Variants in UNC13A observed in about 807,000 individuals in gnomAD.
UNC13A encodes the protein unc-13 homolog A, also known as protein unc-13 homolog A.
UNC13A carries 61 observed loss-of-function variants against 219.7 expected under a neutral mutation model. The ratio of observed to expected loss-of-function variants is 0.28; its 90% CI spans 0.23 to 0.34. The LOEUF (loss-of-function observed/expected upper bound fraction) is 0.34. UNC13A is among the 10% of genes least tolerant of loss of function. UNC13A has a pLI of 1.00. For missense variants in UNC13A, 1,476 were observed against 2,270.3 expected, an observed-to-expected ratio of 0.65 and a Z score of 7.11; for synonymous variants, 920 against 884.6, an observed-to-expected ratio of 1.04 and a Z score of -0.71.
intron 2 of UNC13A, among the ~76,000 whole-genome samples, chr19:17,675,645 AAG>A (rs1417846315): frequency 2.5e-5 from 3 of 120,732 alleles, no homozygotes; most frequent in African/African-American, 4.3e-5. Context: ...AAAAAAAAAA[AAG>A]AAGAAGAAGA....
At chr19:17,684,658 G>A (rs2080076886) in intron 1 of UNC13A, among the ~76,000 whole-genome samples, 1 of 152,246 alleles carries the variant, frequency 6.6e-6, no homozygotes, top group Non-Finnish European at 1.5e-5. Flanking sequence ...ATGTGTTGGT[G>A]CTGGGTGTAT....
At chr19:17,633,003 A>T (rs903758977) in intron 27 of UNC13A, 95 bp from the exon 28 acceptor site, 2 of 1,606,998 alleles carry the variant, frequency 1.2e-6, no homozygotes, top group Admixed American at 1.7e-5. Flanking sequence ...CTGATTTCCA[A>T]CTCAGGCATG....
At chr19:17,634,725 C>T (rs965157877) in intron 26 of UNC13A, among the ~76,000 whole-genome samples, 2 of 152,064 alleles carry the variant, frequency 1.3e-5, no homozygotes, top group Admixed American at 6.6e-5. Flanking sequence ...GACGGAGTCT[C>T]GCTCTGTCAC....
intron 19 of UNC13A, among the ~76,000 whole-genome samples, chr19:17,644,523 GTTTTTTTT>G (rs57314065): frequency 1.0e-5 from 1 of 99,154 alleles, no homozygotes. Flanking sequence ...TTTTTCTTTT[GTTTTTTTT>G]TTTTTTTTTT....
chr19:17,656,070 C>T lies in UNC13A; in HGVS notation c.1096G>A (p.Val366Met), dbSNP rs2079446176. The change falls in exon 10 of 44, where the codon GTG becomes ATG. Residue 366 changes from valine (V) to methionine (M), a missense_variant. By Grantham distance (21) the Val-to-Met change is conservative. Around this residue, in one of 14 missense-constraint regions of UNC13A, gnomAD observed 351 missense variants for 342.6 expected, o/e 1.02. Coordinates refer to ENST00000519716, the MANE Select transcript of UNC13A (RefSeq NM_001080421.3). ...GSYAQREDVA[V>M]AEPKDFKRIS... ...CGTTTGAAGTCTTTGGGCTCAGCCA[C>T]AGCTACGTCTTCACGCTGGGCATAG... 6.4e-7 allele frequency: 1 copy of T among 1,554,628 alleles called. No individual in the cohort carries two copies. Among genetic ancestry groups the T allele is most frequent in the Non-Finnish European group, 8.7e-7 (1 of 1,148,568 alleles).
intron 11 of UNC13A, among the ~76,000 whole-genome samples, chr19:17,653,181 AG>A (rs1191382227): frequency 1.3e-5 from 2 of 151,532 alleles, no homozygotes; most frequent in African/African-American, 2.4e-5. Flanking sequence ...TGAAATATTG[AG>A]GGGGTGTTTG....
At chr19:17,639,795 C>A (rs745654807) in intron 23 of UNC13A, 45 bp downstream of exon 23, 3 of 1,600,352 alleles carry the variant, frequency 1.9e-6, no homozygotes, top group Middle Eastern at 1.8e-4. Context: ...TCCAGGCACA[C>A]ACATGTGCGT....
At position 17,618,488 on chromosome 19, in the gene UNC13A, C is replaced by T. The variant is rs1379459241; in HGVS notation, c.4343G>A (p.Arg1448Gln). ...TGGGGTCAAGCTCTTGGCTTCTTCT[C>T]GTACCATGTGATCCTGGATGGATGG... The part of the protein sequence containing the change: ...QLSKLKDHMV[R>Q]EEAKSLTPKQ... The change falls in exon 40 of 44, where the codon CGA becomes CAA. Residue 1448 changes from arginine (R) to glutamine (Q), a missense_variant. By Grantham distance (43) the Arg-to-Gln change is conservative (BLOSUM62 1). Around this residue, in one of 14 missense-constraint regions of UNC13A, gnomAD observed 75 missense variants for 100.2 expected, o/e 0.75. Coordinates refer to ENST00000519716, the MANE Select transcript of UNC13A (RefSeq NM_001080421.3). The T allele has an allele frequency of 1.3e-6, 2 of 1,591,358 alleles. No homozygotes were observed. Among genetic ancestry groups the T allele is most frequent in the Non-Finnish European group, 1.7e-6 (2 of 1,168,784 alleles).
At chr19:17,669,834 T>G (rs1257024588) in intron 4 of UNC13A, among the ~76,000 whole-genome samples, 158 bp from the exon 5 acceptor site, 8 of 151,160 alleles carry the variant, frequency 5.3e-5, no homozygotes, top group Non-Finnish European at 8.9e-5. Context: ...CTTCCCTTCC[T>G]TCCTTCCCTC....
chr19:17,617,062 C>CT (rs1265480677), intron 41 of UNC13A, among the ~76,000 whole-genome samples: 2 of 152,178 alleles, frequency 1.3e-5, no homozygotes, highest in African/African-American at 4.8e-5. Flanking sequence ...GTCGAGGTCC[C>CT]TCCCGCCCTC....
At chr19:17,655,090 T>C (rs1418034964) in intron 11 of UNC13A, among the ~76,000 whole-genome samples, 184 bp downstream of exon 11, 1 of 152,054 alleles carries the variant, frequency 6.6e-6, no homozygotes, top group African/African-American at 2.4e-5. Flanking sequence ...AGGGAAGGGC[T>C]CGAGTGGCTG....
In UNC13A at chr19:17,636,117, C is replaced by T. The variant is rs754552161; in HGVS notation, c.3122G>A (p.Ser1041Asn). The T allele has an allele frequency of 3.7e-6, 6 of 1,607,000 alleles. No individual in the cohort carries two copies. Among genetic ancestry groups the T allele is most frequent in the Non-Finnish European group, 5.1e-6 (6 of 1,176,534 alleles). Residue 1041 changes from serine (S) to asparagine (N), a missense_variant, in exon 26 of 44, where the codon AGC (serine) becomes AAC (asparagine). By Grantham distance (46) the Ser-to-Asn change is conservative. Around this residue, in one of 14 missense-constraint regions of UNC13A, gnomAD observed 218 missense variants for 409.4 expected, o/e 0.53. Transcript: ENST00000519716. Reference sequence around the variant, plus strand: ...GGACCAGAAGTCGAGGTTCTTGATGCTGGGCCCCTGTTCCTCTGGGAGAAC... The same window carrying T: ...GGACCAGAAGTCGAGGTTCTTGATGTTGGGCCCCTGTTCCTCTGGGAGAAC... ...GEVLPEEQGPSIKNLDFWSKL... is the reference protein window; with the variant it reads ...GEVLPEEQGPNIKNLDFWSKL...
intron 5 of UNC13A, among the ~76,000 whole-genome samples, chr19:17,669,044 C>G (rs35874560): frequency 0.3 from 45,992 of 151,936 alleles, 8,005 homozygotes; most frequent in South Asian, 0.48. Flanking sequence ...GATCCTCCCC[C>G]CTTGGCCTCC....
At chr19:17,621,746 C>T in intron 37 of UNC13A, 86 bp downstream of exon 37, 2 of 1,472,730 alleles carry the variant, frequency 1.4e-6, no homozygotes, top group African/African-American at 1.4e-5. Context: ...GCTGCCCTTC[C>T]TGCCCAGGTG....
At chr19:17,607,934 C>T (rs1482321967) in intron 43 of UNC13A, among the ~76,000 whole-genome samples, 2 of 145,634 alleles carry the variant, frequency 1.4e-5, no homozygotes, top group Non-Finnish European at 3.0e-5. Context: ...GGCTGGAGTG[C>T]CGTGGTACAA....
chr19:17,612,963 G>C (rs1599827305), intron 41 of UNC13A, among the ~76,000 whole-genome samples: 1 of 152,218 alleles, frequency 6.6e-6, no homozygotes, highest in East Asian at 1.9e-4. Flanking sequence ...TACTTTGGGA[G>C]GCTCATGCTT....
Position 17,627,451 on chromosome 19 carries a change from C to T in UNC13A, c.3920+58G>A. The T allele has an allele frequency of 7.3e-7, 1 of 1,371,380 alleles. No homozygotes were observed. The highest frequency in any genetic ancestry group is 1.0e-6 in the Non-Finnish European group (1 of 984,178). 85.0% of individuals were successfully genotyped at this position (1,371,380 alleles called of 1,614,324 possible). A position where few individuals can be genotyped will look rare whatever the true frequency, so the allele number is the denominator to read the frequency against. On this transcript the variant is annotated intron_variant, in intron 33 of 43. Coordinates refer to ENST00000519716, the MANE Select transcript of UNC13A (RefSeq NM_001080421.3). This position sits in a 1 kb window ranked among gnomAD's most constrained non-coding sequence, Gnocchi z 4.7. ...CTGCTGAGCCTCCAGATGCCCCAGG[C>T]TTAGAGGGCTGAAGGCTGTTCCCTC... is the stretch of plus-strand genomic sequence containing the variant.
At position 17,649,655 on chromosome 19, in the gene UNC13A, C is replaced by T. The variant is rs1442692482; in HGVS notation, c.1440-68G>A. ...TCCTCACATAGAGCCCTGGGGAGAA[C>T]ATTCAACCTCCCCCAGGTGTTAAGG... On this transcript the variant is annotated intron_variant, in intron 12 of 43. Coordinates refer to ENST00000519716, the MANE Select transcript of UNC13A (RefSeq NM_001080421.3). This position sits in a 1 kb window ranked among gnomAD's most constrained non-coding sequence, Gnocchi z 4.4. 17 of 1,557,160 alleles carry T rather than the reference C, an allele frequency of 1.1e-5. No individual in the cohort carries two copies. The South Asian group carries it at 1.6e-4, about 14-fold the overall frequency.
intron 34 of UNC13A, among the ~76,000 whole-genome samples, chr19:17,625,934 C>T (rs2076778102): frequency 8.4e-6 from 1 of 118,448 alleles, no homozygotes; most frequent in African/African-American, 3.0e-5. Context: ...TCCATCCATT[C>T]ATCCATCCAT....
Sources: allele counts gnomAD v4.1 joint callset (sites outside exome capture counted in the v4.1 genomes callset), GRCh38; gene constraint gnomAD v4.1.1; regional missense constraint gnomAD v4.1.1; non-coding constraint Gnocchi (gnomAD v3.1); transcripts MANE v1.5; gene names NCBI Gene and HGNC (gene_info 2026-07-23, HGNC 2026-07-21).